FAT3: variants seen among roughly 807,000 people sequenced by gnomAD.
The protein encoded by FAT3 is FAT atypical cadherin 3, also known as protocadherin Fat 3.
In FAT3, 95 loss-of-function variants were observed where a neutral mutation model predicts 310.2. That is an observed-to-expected ratio of 0.31 (90% CI 0.26 to 0.36). FAT3 has a LOEUF of 0.36. Among genes scored for constraint, FAT3 ranks in the 10% least tolerant of loss-of-function variants. The pLI is 1.00. For synonymous variants in FAT3, 2,314 were observed against 2,192.9 expected, an observed-to-expected ratio of 1.06 and a Z score of -1.54; for missense variants, 5,408 against 5,715.6, an observed-to-expected ratio of 0.95 and a Z score of 1.74.
intron 3 of FAT3, among the ~76,000 whole-genome samples, chr11:92,549,579 TTGA>T (rs140074539): frequency 0.15 from 22,741 of 151,920 alleles, 1,872 homozygotes; most frequent in East Asian, 0.29. Context: ...AAGGTACAGG[TTGA>T]TGATGATGAT....
intron 3 of FAT3, among the ~76,000 whole-genome samples, chr11:92,536,522 A>G (rs1358834586): frequency 6.6e-6 from 1 of 152,192 alleles, no homozygotes; most frequent in East Asian, 1.9e-4. Context: ...TGCTATTAAC[A>G]TTAAATGAGT....
intron 3 of FAT3, among the ~76,000 whole-genome samples, chr11:92,619,957 G>A (rs888099310): frequency 3.3e-5 from 5 of 151,752 alleles, no homozygotes; most frequent in African/African-American, 7.3e-5. Context: ...TAAATTTATA[G>A]CTATTAAAAA....
intron 2 of FAT3, among the ~76,000 whole-genome samples, chr11:92,473,875 T>C (rs972784661): frequency 6.6e-6 from 1 of 152,186 alleles, no homozygotes; most frequent in Non-Finnish European, 1.5e-5. Flanking sequence ...TCATGGGCCT[T>C]ATGTGTGGAA....
intron 1 of FAT3, among the ~76,000 whole-genome samples, chr11:92,227,466 A>C (rs1863969265): frequency 1.3e-5 from 2 of 152,176 alleles, no homozygotes; most frequent in South Asian, 4.1e-4. Flanking sequence ...CAGGTGGTGG[A>C]AAGGGGAAGC....
chr11:92,857,429 T>G, intron 20 of FAT3, 81 bp downstream of exon 20: 1 of 1,575,256 alleles, frequency 6.3e-7, no homozygotes, highest in South Asian at 1.2e-5. Context: ...ACCATCCAAG[T>G]CCTCCCAGAA....
intron 4 of FAT3, among the ~76,000 whole-genome samples, chr11:92,721,733 G>C (rs1944864922): frequency 6.6e-6 from 1 of 152,132 alleles, no homozygotes; most frequent in African/African-American, 2.4e-5. Context: ...ATTTACAAAA[G>C]AAAGAGATTT....
At chr11:92,793,035 A>G in intron 9 of FAT3, 58 bp downstream of exon 9, 1 of 1,525,298 alleles carries the variant, frequency 6.6e-7, no homozygotes, top group East Asian at 2.3e-5. Flanking sequence ...GACCCTCAGT[A>G]GTATTTATCA....
At position 92,402,285 on chromosome 11, in the gene FAT3, C is replaced by T. The variant is rs543436214; in HGVS notation, c.3292+46881C>T. Among the ~76,000 whole-genome samples, 15 of 152,044 alleles carry T rather than the reference C, an allele frequency of 9.9e-5. 1 individual carries two copies. The South Asian group carries it at 2.7e-3, about 27-fold the overall frequency. On this transcript the variant is annotated intron_variant, in intron 2 of 27. Transcript: ENST00000525166. ...CTTGAAGATAAGTTAATAAACCTTCCAAAACTGAAATGTAAACCAAGAAAG... is the reference window on the plus strand; with the variant it reads ...CTTGAAGATAAGTTAATAAACCTTCTAAAACTGAAATGTAAACCAAGAAAG...
intron 7 of FAT3, among the ~76,000 whole-genome samples, chr11:92,776,900 C>T (rs1946612345): frequency 6.6e-6 from 1 of 152,194 alleles, no homozygotes; most frequent in Non-Finnish European, 1.5e-5. Context: ...GGCCTGACCA[C>T]CTCACCAGCC....
chr11:92,584,441 T>G (rs71473485), intron 3 of FAT3, among the ~76,000 whole-genome samples: 3 of 151,872 alleles, frequency 2.0e-5, no homozygotes, highest in Non-Finnish European at 4.4e-5. Context: ...CTAATTCTGC[T>G]CCTGAAAGGT....
At chr11:92,345,868 C>T (rs1393691322) in intron 1 of FAT3, among the ~76,000 whole-genome samples, 5 of 152,076 alleles carry the variant, frequency 3.3e-5, no homozygotes, top group Non-Finnish European at 7.4e-5. Context: ...AATGGTTAAA[C>T]TAGGGTGTTG....
intron 8 of FAT3, among the ~76,000 whole-genome samples, chr11:92,790,814 T>A (rs962788188): frequency 3.3e-5 from 5 of 152,170 alleles, no homozygotes; most frequent in African/African-American, 1.2e-4. Context: ...GTTTAGCTAG[T>A]TCACATAATT....
chr11:92,845,051 A>G (rs1408584227), intron 19 of FAT3, among the ~76,000 whole-genome samples: 1 of 152,220 alleles, frequency 6.6e-6, no homozygotes, highest in Admixed American at 6.5e-5. Flanking sequence ...GATAAGGGTC[A>G]AGTAGGAATC....
chr11:92,833,371 C>A (rs544846829), intron 14 of FAT3, among the ~76,000 whole-genome samples: 1 of 152,264 alleles, frequency 6.6e-6, no homozygotes, highest in African/African-American at 2.4e-5. Context: ...GTCCATTTTC[C>A]TTTGGGTAGT....
At chr11:92,385,900 C>T (rs1486871225) in intron 2 of FAT3, among the ~76,000 whole-genome samples, 1 of 152,056 alleles carries the variant, frequency 6.6e-6, no homozygotes, top group Non-Finnish European at 1.5e-5. Flanking sequence ...AATCCCAGCA[C>T]TTTGAGAGGC....
At chr11:92,228,541 T>A (rs1202474941) in intron 1 of FAT3, among the ~76,000 whole-genome samples, 3 of 152,228 alleles carry the variant, frequency 2.0e-5, no homozygotes, top group African/African-American at 7.2e-5. Flanking sequence ...TTCTTCTTCA[T>A]ACGATCCTGA....
intron 4 of FAT3, among the ~76,000 whole-genome samples, chr11:92,732,662 T>G (rs1429311641): frequency 6.6e-6 from 1 of 152,218 alleles, no homozygotes; most frequent in Non-Finnish European, 1.5e-5. Flanking sequence ...TATGTCTCAA[T>G]GTCCATATTT....
At chr11:92,711,921 A>G (rs543682371) in intron 4 of FAT3, among the ~76,000 whole-genome samples, 1 of 152,356 alleles carries the variant, frequency 6.6e-6, no homozygotes, top group South Asian at 2.1e-4. Context: ...CAAAAGTACA[A>G]ATAAATCCCA....
intron 18 of FAT3, 143 bp from the exon 19 acceptor site, chr11:92,843,791 C>A: frequency 2.6e-6 from 2 of 782,146 alleles, no homozygotes; most frequent in Non-Finnish European, 4.2e-6. Flanking sequence ...AAACGCACAT[C>A]CTCAGCATTT....
Sources: allele counts gnomAD v4.1 joint callset (sites outside exome capture counted in the v4.1 genomes callset), GRCh38; gene constraint gnomAD v4.1.1; transcripts MANE v1.5; gene names NCBI Gene and HGNC (gene_info 2026-07-23, HGNC 2026-07-21).